Variants in CDH8 observed in about 807,000 individuals in gnomAD.
CDH8 encodes cadherin-8.
A neutral mutation model predicts 68.1 loss-of-function variants in CDH8; 17 were observed. The observed-to-expected ratio is 0.25, with a 90% confidence interval of 0.17 to 0.37. The LOEUF is 0.37. CDH8 is among the 10% of genes least tolerant of loss of function. The pLI is 1.00. For synonymous variants in CDH8, 372 were observed against 365.1 expected (o/e 1.02, Z -0.21); for missense variants, 763 against 999.3 (o/e 0.76, Z 3.19).
At chr16:61,770,692 C>A (rs1404654349) in intron 8 of CDH8, among the ~76,000 whole-genome samples, 3 of 152,060 alleles carry the variant, frequency 2.0e-5, no homozygotes, top group Middle Eastern at 3.4e-3. Context: ...CTGCGAAGGG[C>A]ACCAGAGAAA....
At chr16:61,926,709 CATT>C (rs1964462004) in intron 2 of CDH8, among the ~76,000 whole-genome samples, 1 of 152,118 alleles carries the variant, frequency 6.6e-6, no homozygotes, top group African/African-American at 2.4e-5. Flanking sequence ...CAATAGATTC[CATT>C]ATTTCTTTTG....
chr16:61,792,180 T>C (rs1227622447), intron 7 of CDH8, among the ~76,000 whole-genome samples: 9 of 152,040 alleles, frequency 5.9e-5, no homozygotes, highest in African/African-American at 1.9e-4. Flanking sequence ...GATATTTTTC[T>C]CATTTTTTAA....
chr16:61,998,705 G>A (rs554929750), intron 2 of CDH8, among the ~76,000 whole-genome samples: 27 of 152,284 alleles, frequency 1.8e-4, no homozygotes, highest in African/African-American at 6.5e-4. Context: ...TCTGGGATGG[G>A]TAGTAGCATT....
At chr16:61,998,328 T>A in intron 2 of CDH8, among the ~76,000 whole-genome samples, 1 of 152,234 alleles carries the variant, frequency 6.6e-6, no homozygotes, top group East Asian at 2.0e-4. Context: ...TGGTAAATAA[T>A]AATTAAAGCA....
At chr16:61,680,826 A>G (rs1567418471) in intron 10 of CDH8, among the ~76,000 whole-genome samples, 2 of 152,002 alleles carry the variant, frequency 1.3e-5, no homozygotes, top group South Asian at 2.1e-4. Context: ...TATAGCACCT[A>G]AGACAAAGCT....
At chr16:61,812,238 G>A (rs1961967977) in intron 7 of CDH8, among the ~76,000 whole-genome samples, 1 of 152,194 alleles carries the variant, frequency 6.6e-6, no homozygotes, top group Non-Finnish European at 1.5e-5. Context: ...TCTAAAGACT[G>A]CTTTCAGGAG....
rs531207528 is a variant in CDH8 at position 61,912,148 on chromosome 16, T to A, written c.253-10675A>T. Among the ~76,000 whole-genome samples, 3 of 152,186 alleles carry A rather than the reference T, an allele frequency of 2.0e-5. No homozygotes were observed. In the South Asian group the frequency reaches 6.2e-4, roughly 32 times the overall value. On this transcript the variant is annotated intron_variant, in intron 2 of 11. Transcript: ENST00000577390. ...ATAACCAAATAACAGTCATCTACTATGAAATTCCGTATTTATAAAAGGAGT... is the reference window on the plus strand; with the variant it reads ...ATAACCAAATAACAGTCATCTACTAAGAAATTCCGTATTTATAAAAGGAGT...
intron 8 of CDH8, among the ~76,000 whole-genome samples, chr16:61,730,366 A>G (rs986448051): frequency 6.6e-6 from 1 of 151,548 alleles, no homozygotes; most frequent in African/African-American, 2.4e-5. Context: ...GCTATTACTT[A>G]ACACTGTTGG....
At chr16:61,862,919 T>C (rs1963178132) in intron 3 of CDH8, among the ~76,000 whole-genome samples, 1 of 152,202 alleles carries the variant, frequency 6.6e-6, no homozygotes, top group African/African-American at 2.4e-5. Flanking sequence ...TTTGGAACTG[T>C]TTTTGTCCCT....
chr16:61,743,694 T>C (rs1959938809), intron 8 of CDH8, among the ~76,000 whole-genome samples: 1 of 152,212 alleles, frequency 6.6e-6, no homozygotes, highest in African/African-American at 2.4e-5. Context: ...TGCTACTTTT[T>C]AATTTTAATT....
intron 6 of CDH8, among the ~76,000 whole-genome samples, chr16:61,820,204 C>T (rs1962176793): frequency 1.3e-5 from 2 of 151,516 alleles, no homozygotes; most frequent in African/African-American, 2.4e-5. Flanking sequence ...TCCCATAATG[C>T]TCAAACCTCT....
intron 2 of CDH8, among the ~76,000 whole-genome samples, chr16:61,974,143 A>C (rs1416841725): frequency 6.6e-6 from 1 of 152,240 alleles, no homozygotes; most frequent in Non-Finnish European, 1.5e-5. Flanking sequence ...AAGGCTATGA[A>C]CAGCAGAAAC....
chr16:61,856,043 G>A (rs919822047), intron 4 of CDH8, among the ~76,000 whole-genome samples: 1 of 151,926 alleles, frequency 6.6e-6, no homozygotes, highest in African/African-American at 2.4e-5. Flanking sequence ...CTTTTCCTCA[G>A]TATTAAACGT....
At chr16:61,959,587 T>G (rs187130472) in intron 2 of CDH8, among the ~76,000 whole-genome samples, 2 of 150,196 alleles carry the variant, frequency 1.3e-5, no homozygotes, top group East Asian at 2.0e-4. Context: ...TATAGAGAGA[T>G]GTGTGTGTGT....
chr16:61,865,586 CT>C (rs2143021016), intron 3 of CDH8, among the ~76,000 whole-genome samples: 1 of 152,250 alleles, frequency 6.6e-6, no homozygotes, highest in African/African-American at 2.4e-5. Flanking sequence ...CTACCCACTG[CT>C]TTTGCAAACA....
intron 1 of CDH8, among the ~76,000 whole-genome samples, chr16:62,034,912 C>G (rs939934771): frequency 6.6e-6 from 1 of 152,224 alleles, no homozygotes; most frequent in African/African-American, 2.4e-5. Context: ...GCAACCCAAG[C>G]AAACAGCTGC....
At position 61,950,392 on chromosome 16, in the gene CDH8, G is replaced by A. The variant is rs1037686731; in HGVS notation, c.253-48919C>T. On this transcript the variant is annotated intron_variant, in intron 2 of 11. Transcript: ENST00000577390. ...CTAGATTTTACTCTATTTACCGGAT[G>A]TGCATAAGAGTTCAATACTTATTGT... Among the ~76,000 whole-genome samples the A allele has an allele frequency of 5.3e-5, 8 of 152,160 alleles. 1 individual carries two copies. The highest frequency in any genetic ancestry group is 5.2e-4 in the Admixed American group (8 of 15,276).
At chr16:61,873,224 C>T (rs1283889057) in intron 3 of CDH8, among the ~76,000 whole-genome samples, 1 of 152,080 alleles carries the variant, frequency 6.6e-6, no homozygotes, top group Non-Finnish European at 1.5e-5. Context: ...TTGATAAACG[C>T]CTGTGTCCTG....
chr16:61,948,703 C>T (rs1261944943), intron 2 of CDH8, among the ~76,000 whole-genome samples: 2 of 152,146 alleles, frequency 1.3e-5, no homozygotes, highest in Non-Finnish European at 2.9e-5. Context: ...TTTAAGCCCG[C>T]TCAAGAAAAT....
Sources: gnomAD v4.1 joint callset for allele counts (sites outside exome capture counted in the v4.1 genomes callset) on GRCh38, gnomAD v4.1.1 for gene constraint, MANE v1.5 for transcripts, NCBI Gene and HGNC (gene_info 2026-07-23, HGNC 2026-07-21) for gene names.